Variants in ATRNL1 observed in about 807,000 individuals in gnomAD.
ATRNL1 encodes attractin like 1, also known as attractin-like protein 1.
ATRNL1 carries 95 observed loss-of-function variants against 182.7 expected under a neutral mutation model. The ratio of observed to expected loss-of-function variants is 0.52; its 90% CI spans 0.44 to 0.62. The LOEUF (loss-of-function observed/expected upper bound fraction) is 0.62, where lower values mean the gene tolerates loss of function less well. Among genes scored for constraint, ATRNL1 ranks in the 20% least tolerant of loss-of-function variants. The pLI, the probability that ATRNL1 is intolerant of heterozygous loss-of-function variation, is 0.00. For missense variants in ATRNL1, 1,471 were observed against 1,679.5 expected (o/e 0.88, Z 2.17); for synonymous variants, 576 against 568.3 (o/e 1.01, Z -0.19).
chr10:115,788,824 C>A (rs1192413657), intron 27 of ATRNL1, among the ~76,000 whole-genome samples: 30 of 152,202 alleles, frequency 2.0e-4, no homozygotes, highest in Non-Finnish European at 4.4e-5. Flanking sequence ...CTGTCAGAAG[C>A]CTTTCTAACT....
chr10:115,639,008 C>A (rs782475402), intron 26 of ATRNL1, among the ~76,000 whole-genome samples: 1 of 152,074 alleles, frequency 6.6e-6, no homozygotes, highest in Non-Finnish European at 1.5e-5. Flanking sequence ...TGAAAACTAT[C>A]CCAATTTGGC....
intron 28 of ATRNL1, among the ~76,000 whole-genome samples, chr10:115,936,873 A>C (rs1240893442): frequency 1.3e-5 from 2 of 152,204 alleles, no homozygotes; most frequent in Admixed American, 1.3e-4. Context: ...AGAAAGAAGG[A>C]ATTTCCATTT....
chr10:115,450,439 A>G (rs1404508687), intron 21 of ATRNL1, among the ~76,000 whole-genome samples: 1 of 152,148 alleles, frequency 6.6e-6, no homozygotes, highest in African/African-American at 2.4e-5. Context: ...CAAAGTTGTC[A>G]GATACAAAAT....
At chr10:115,861,071 T>G (rs1332263526) in intron 28 of ATRNL1, among the ~76,000 whole-genome samples, 1 of 152,292 alleles carries the variant, frequency 6.6e-6, no homozygotes, top group Non-Finnish European at 1.5e-5. Context: ...TATTTCTGTT[T>G]GTTCTGGTAC....
At chr10:115,463,433 A>G (rs1353573589) in intron 22 of ATRNL1, among the ~76,000 whole-genome samples, 2 of 152,132 alleles carry the variant, frequency 1.3e-5, no homozygotes, top group Non-Finnish European at 2.9e-5. Flanking sequence ...TATATTAACA[A>G]TCTCAGAAAC....
chr10:115,403,364 T>G (rs1844669774), intron 20 of ATRNL1, among the ~76,000 whole-genome samples: 1 of 151,592 alleles, frequency 6.6e-6, no homozygotes, highest in Non-Finnish European at 1.5e-5. Context: ...AGAATAATTT[T>G]CTGTACAGCC....
intron 8 of ATRNL1, among the ~76,000 whole-genome samples, chr10:115,198,861 T>C (rs1554891672): frequency 1.3e-5 from 2 of 152,178 alleles, no homozygotes; most frequent in African/African-American, 4.8e-5. Flanking sequence ...TTCACTGGTC[T>C]TGTGTTAGTA....
chr10:115,386,814 C>A, intron 19 of ATRNL1, among the ~76,000 whole-genome samples: 1 of 101,644 alleles, frequency 9.8e-6, no homozygotes, highest in Non-Finnish European at 1.9e-5. Context: ...TCCCTCCCCC[C>A]TCCCCCCACC....
intron 27 of ATRNL1, among the ~76,000 whole-genome samples, chr10:115,792,482 A>T (rs1474917302): frequency 6.6e-6 from 1 of 152,044 alleles, no homozygotes; most frequent in Non-Finnish European, 1.5e-5. Context: ...TTCTGTTGAG[A>T]ATATTGCCGT....
chr10:115,863,128 G>T (rs1205016190), intron 28 of ATRNL1, among the ~76,000 whole-genome samples: 1 of 152,132 alleles, frequency 6.6e-6, no homozygotes, highest in African/African-American at 2.4e-5. Flanking sequence ...GGGAGTTGGA[G>T]GGACACTTCT....
intron 21 of ATRNL1, among the ~76,000 whole-genome samples, chr10:115,431,784 A>G (rs1554964029): frequency 6.6e-6 from 1 of 151,978 alleles, no homozygotes; most frequent in African/African-American, 2.4e-5. Flanking sequence ...GCTTTTCCAC[A>G]TCATTTTTGT....
At chr10:115,697,752 C>CT (rs1334575942) in intron 26 of ATRNL1, among the ~76,000 whole-genome samples, 1 of 152,080 alleles carries the variant, frequency 6.6e-6, no homozygotes, top group African/African-American at 2.4e-5. Flanking sequence ...AGTTAGAGGT[C>CT]TTTATCTTAA....
At chr10:115,811,596 G>T (rs2907570) in intron 27 of ATRNL1, among the ~76,000 whole-genome samples, 118,363 of 151,932 alleles carry the variant, frequency 0.78, 46,265 homozygotes, top group African/African-American at 0.84. Flanking sequence ...TATTTCTTCT[G>T]TATATTCTAT....
chr10:115,559,444 G>GTGTGTGTT (rs1554998463), intron 26 of ATRNL1, among the ~76,000 whole-genome samples: 5 of 62,790 alleles, frequency 8.0e-5, no homozygotes, highest in African/African-American at 2.5e-4. Context: ...GTGTGTGTGT[G>GTGTGTGTT]CGCGCGCGCA....
chr10:115,305,044 G>C (rs569328208), intron 17 of ATRNL1, among the ~76,000 whole-genome samples: 4 of 151,704 alleles, frequency 2.6e-5, no homozygotes, highest in African/African-American at 9.7e-5. Context: ...TGAGATCCCT[G>C]TTGGTGGTAA....
At chr10:115,235,385 T>C (rs149769060) in intron 9 of ATRNL1, among the ~76,000 whole-genome samples, 95 of 152,288 alleles carry the variant, frequency 6.2e-4, no homozygotes, top group Admixed American at 2.7e-3. Context: ...TACCTGTCTA[T>C]TCTCTCTATC....
chr10:115,571,763 A>G (rs1409945464), intron 26 of ATRNL1, among the ~76,000 whole-genome samples: 1 of 152,056 alleles, frequency 6.6e-6, no homozygotes, highest in African/African-American at 2.4e-5. Context: ...CTTCTAATTC[A>G]TATTCATATA....
At chr10:115,214,006 A>G (rs1057466276) in intron 8 of ATRNL1, among the ~76,000 whole-genome samples, 1 of 151,342 alleles carries the variant, frequency 6.6e-6, no homozygotes. Context: ...TAAGTGAAAC[A>G]GTAGTTGCAA....
chr10:115,134,519 G>A (rs1266466250), intron 5 of ATRNL1, among the ~76,000 whole-genome samples: 1 of 152,104 alleles, frequency 6.6e-6, no homozygotes, highest in Non-Finnish European at 1.5e-5. Flanking sequence ...CCAAAAACAG[G>A]CTCTGAAATT....
Sources: gnomAD v4.1 joint callset for allele counts (sites outside exome capture counted in the v4.1 genomes callset) on GRCh38, gnomAD v4.1.1 for gene constraint, MANE v1.5 for transcripts, NCBI Gene and HGNC (gene_info 2026-07-23, HGNC 2026-07-21) for gene names.